Variants in SPAG9 observed in about 807,000 individuals in gnomAD.
The protein encoded by SPAG9 is sperm associated antigen 9.
SPAG9 carries 35 observed loss-of-function variants against 166.5 expected under a neutral mutation model. The ratio of observed to expected loss-of-function variants is 0.21; its 90% CI spans 0.16 to 0.28. The LOEUF (loss-of-function observed/expected upper bound fraction) is 0.28. Among genes scored for constraint, SPAG9 ranks in the 10% least tolerant of loss-of-function variants. The pLI is 1.00. For missense variants in SPAG9, 1,235 were observed against 1,603.3 expected, an observed-to-expected ratio of 0.77 and a Z score of 3.92; for synonymous variants, 534 against 565.5, an observed-to-expected ratio of 0.94 and a Z score of 0.79.
intron 29 of SPAG9, 25 bp from the exon 30 acceptor site, chr17:50,966,412 G>C: frequency 7.3e-7 from 1 of 1,369,552 alleles, no homozygotes; most frequent in Non-Finnish European, 1.0e-6. Flanking sequence ...GAAGACTCAA[G>C]TTAGGCTGAA....
chr17:51,049,452 G>C (rs2047121680), intron 3 of SPAG9, among the ~76,000 whole-genome samples: 1 of 152,090 alleles, frequency 6.6e-6, no homozygotes, highest in Admixed American at 6.6e-5. Context: ...GAGGTGGGAG[G>C]ACTGCTTGAG....
chr17:51,101,408 T>C (rs1303374628), intron 1 of SPAG9, among the ~76,000 whole-genome samples: 1 of 148,250 alleles, frequency 6.7e-6, no homozygotes, highest in East Asian at 2.0e-4. Context: ...TTGAAAAAAC[T>C]GCTTAACCTT....
At chr17:51,095,025 G>A (rs769401942) in intron 1 of SPAG9, among the ~76,000 whole-genome samples, 2 of 152,170 alleles carry the variant, frequency 1.3e-5, no homozygotes, top group Non-Finnish European at 2.9e-5. Flanking sequence ...GCTGGGCGCG[G>A]TGGCTGACGC....
chr17:51,098,971 T>G lies in SPAG9; in HGVS notation c.304-19267A>C, dbSNP rs530926486. On this transcript the variant is annotated intron_variant, in intron 1 of 29. Transcript: ENST00000262013. ...AAAAATTAGCCGAGTGTGGCGGCGCTTGCCTGTGGTCCCATCTACTGGGGA... is the reference window on the plus strand; with the variant it reads ...AAAAATTAGCCGAGTGTGGCGGCGCGTGCCTGTGGTCCCATCTACTGGGGA... Among the ~76,000 whole-genome samples the G allele has an allele frequency of 3.3e-5, 5 of 152,008 alleles. No individual in the cohort carries two copies. In the South Asian group the frequency reaches 1.0e-3, roughly 31 times the overall value.
intron 17 of SPAG9, 82 bp downstream of exon 17, chr17:50,995,358 GAAGT>G: frequency 1.5e-6 from 2 of 1,290,456 alleles, no homozygotes; most frequent in South Asian, 2.7e-5. Context: ...CCTCACCATA[GAAGT>G]AATACTTATA....
Position 51,008,994 on chromosome 17 carries a change from G to A in SPAG9, c.1214-1668C>T, listed in dbSNP as rs2045343723. The A allele has an allele frequency of 2.0e-5, 7 of 342,000 alleles. No homozygotes were observed. In the Middle Eastern group the frequency reaches 2.3e-3, roughly 113 times the overall value. 21.2% of individuals were successfully genotyped at this position (342,000 alleles called of 1,614,324 possible). On this transcript the variant is annotated intron_variant, in intron 9 of 29. Coordinates refer to ENST00000262013, the MANE Select transcript of SPAG9 (RefSeq NM_001130528.3). ...TAAACTCTCAAGCAGTTAGATAAGC[G>A]TGGAAGCTGAAAATATATGAAAGGC... is the stretch of plus-strand genomic sequence containing the variant.
intron 14 of SPAG9, 49 bp from the exon 15 acceptor site, chr17:50,998,666 T>C: frequency 1.3e-6 from 2 of 1,521,958 alleles, no homozygotes; most frequent in South Asian, 1.2e-5. Flanking sequence ...TGAGAAACAA[T>C]CCTTGATTTT....
chr17:50,990,324 G>C, intron 20 of SPAG9, 126 bp downstream of exon 20: 1 of 784,436 alleles, frequency 1.3e-6, no homozygotes, highest in South Asian at 1.7e-5. Flanking sequence ...CACCACGCCC[G>C]GCCTACAGTA....
At chr17:51,077,049 T>TCTAGCTATCTAG (rs2048019093) in intron 2 of SPAG9, among the ~76,000 whole-genome samples, 2 of 71,648 alleles carry the variant, frequency 2.8e-5, no homozygotes, top group Non-Finnish European at 7.0e-5. Context: ...TATCTAGCTA[T>TCTAGCTATCTAG]CTAGCTAGCT....
In SPAG9 at chr17:50,998,259, T is replaced by C. The variant is rs533414172; in HGVS notation, c.1838+185A>G. On this transcript the variant is annotated intron_variant, in intron 15 of 29. Coordinates refer to ENST00000262013, the MANE Select transcript of SPAG9 (RefSeq NM_001130528.3). ...ATTGGCCAGACTGGTCTCGAACTCC[T>C]GACCTTGTGATCCGCCCACCTCGGT... Among the ~76,000 whole-genome samples the C allele has an allele frequency of 1.4e-4, 21 of 152,164 alleles. No homozygotes were observed. In the East Asian group the frequency reaches 2.9e-3, roughly 21 times the overall value.
Position 50,998,523 on chromosome 17 carries a change from G to C in SPAG9, c.1759C>G (p.Pro587Ala), listed in dbSNP as rs2044778540. 1 of 1,614,124 alleles carries C rather than the reference G, an allele frequency of 6.2e-7. No homozygotes were observed. Among genetic ancestry groups the C allele is most frequent in the African/African-American group, 1.3e-5 (1 of 75,036 alleles). Residue 587 changes from proline (P) to alanine (A), a missense_variant, in exon 15 of 30, where the codon CCG (proline) becomes GCG (alanine). Coordinates refer to ENST00000262013, the MANE Select transcript of SPAG9 (RefSeq NM_001130528.3). Reference sequence around the variant, plus strand: ...GTGCTGCTTCTTTTCTTGACGGACGGAGTAACATGAGACGTGGGTGCATTG... The same window carrying C: ...GTGCTGCTTCTTTTCTTGACGGACGCAGTAACATGAGACGTGGGTGCATTG... Reference protein sequence around the residue: ...KYNAPTSHVTPSVKKRSSTLS... With the variant: ...KYNAPTSHVTASVKKRSSTLS...
In SPAG9 at chr17:50,964,689, A is replaced by G. The variant is rs1218474733; in HGVS notation, c.*1583T>C. 2.2e-6 allele frequency: 1 copy of G among 447,694 alleles called. No homozygotes were observed. Among genetic ancestry groups the G allele is most frequent in the Non-Finnish European group, 4.5e-6 (1 of 222,696 alleles). The allele number at this position is 447,694 out of a possible 1,614,324, so 27.7% of individuals were successfully genotyped here. Reference sequence around the variant, plus strand: ...AGCTTGAGAGGGAAAAAATTGCAGCATCGTGGTTTTAAAAAACTTATTAAG... The same window carrying G: ...AGCTTGAGAGGGAAAAAATTGCAGCGTCGTGGTTTTAAAAAACTTATTAAG... On this transcript the variant is annotated 3_prime_UTR_variant, in exon 30 of 30. Coordinates refer to ENST00000262013, the MANE Select transcript of SPAG9 (RefSeq NM_001130528.3).
At chr17:51,071,108 C>A (rs1299604042) in intron 2 of SPAG9, among the ~76,000 whole-genome samples, 1 of 152,034 alleles carries the variant, frequency 6.6e-6, no homozygotes, top group Non-Finnish European at 1.5e-5. Flanking sequence ...ACCACAAGGA[C>A]CATATCATAC....
Position 51,120,118 on chromosome 17 carries a change from C to T in SPAG9, c.303+236G>A, listed in dbSNP as rs1361875929. On this transcript the variant is annotated intron_variant, in intron 1 of 29. Coordinates refer to ENST00000262013, the MANE Select transcript of SPAG9 (RefSeq NM_001130528.3). This position sits in a 1 kb window ranked among gnomAD's most constrained non-coding sequence, Gnocchi z 4.7. The stretch of plus-strand genomic sequence containing the variant: ...GCCAGGCTGCCGCTTCCTCCCCGGG[C>T]CCTGCCTCCTCCATCTCGCTCCCTT... 2.0e-5 allele frequency among the ~76,000 whole-genome samples: 3 copies of T among 152,222 alleles called. No homozygotes were observed. The highest frequency in any genetic ancestry group is 2.9e-5 in the Non-Finnish European group (2 of 68,028).
intron 1 of SPAG9, among the ~76,000 whole-genome samples, chr17:51,089,573 ATATATG>A (rs2048393491): frequency 7.0e-6 from 1 of 143,374 alleles, no homozygotes. Context: ...TAATTATAAT[ATATATG>A]TGTATATCTA....
At chr17:51,095,775 T>G (rs1174073648) in intron 1 of SPAG9, among the ~76,000 whole-genome samples, 2 of 147,024 alleles carry the variant, frequency 1.4e-5, no homozygotes, top group African/African-American at 5.0e-5. Context: ...CATATAGTGA[T>G]ATATATAGTG....
At chr17:51,090,034 G>T (rs2048423002) in intron 1 of SPAG9, among the ~76,000 whole-genome samples, 1 of 151,826 alleles carries the variant, frequency 6.6e-6, no homozygotes, top group Non-Finnish European at 1.5e-5. Flanking sequence ...TAAAAGGAAT[G>T]GTTTGCCTAA....
At chr17:51,010,578 A>ATATATAT (rs200072916) in intron 9 of SPAG9, among the ~76,000 whole-genome samples, 1 of 141,670 alleles carries the variant, frequency 7.1e-6, no homozygotes, top group African/African-American at 2.7e-5. Context: ...GAAAAAAAAA[A>ATATATAT]AAAAATATAT....
Position 50,996,652 on chromosome 17 carries a change from CTCTCTCTTTTGT to C in SPAG9, c.1869_1880del (p.Lys625_Gln628del), listed in dbSNP as rs2044695163. ...CATGTGCTTTTACCTGACGATACTG[CTCTCTCTTTTGT>C]TCTCTGCGTGAGGCTAAACTAGCTT... On this transcript the variant is annotated inframe_deletion, in exon 16 of 30. Coordinates refer to ENST00000262013, the MANE Select transcript of SPAG9 (RefSeq NM_001130528.3). The C allele has an allele frequency of 6.2e-7, 1 of 1,614,012 alleles. No individual in the cohort carries two copies. The highest frequency in any genetic ancestry group is 8.5e-7 in the Non-Finnish European group (1 of 1,179,996).
Sources: allele counts gnomAD v4.1 joint callset (sites outside exome capture counted in the v4.1 genomes callset), GRCh38; gene constraint gnomAD v4.1.1; non-coding constraint Gnocchi (gnomAD v3.1); transcripts MANE v1.5; gene names NCBI Gene and HGNC (gene_info 2026-07-23, HGNC 2026-07-21).